Variants in DNAH11 observed in about 807,000 individuals in gnomAD.
DNAH11 encodes axonemal beta dynein heavy chain 11.
A neutral mutation model predicts 526.0 loss-of-function variants in DNAH11; 442 were observed. The observed-to-expected ratio is 0.84, with a 90% CI of 0.78 to 0.91. DNAH11 has a LOEUF of 0.91. Ranked by LOEUF, DNAH11 falls within the 40% of genes least tolerant of loss-of-function variation. The pLI is 0.00. For missense variants in DNAH11, 6,989 were observed against 5,448.7 expected (o/e 1.28, Z -8.90); for synonymous variants, 2,461 against 1,935.9 (o/e 1.27, Z -7.12).
intron 60 of DNAH11, among the ~76,000 whole-genome samples, chr7:21,788,146 A>T (rs1246835269): frequency 6.6e-6 from 1 of 152,226 alleles, no homozygotes; most frequent in East Asian, 1.9e-4. Flanking sequence ...GACCAACTGT[A>T]TCCCAAGCAC....
chr7:21,874,050 C>T (rs1392318376), intron 74 of DNAH11, among the ~76,000 whole-genome samples: 1 of 151,980 alleles, frequency 6.6e-6, no homozygotes, highest in Non-Finnish European at 1.5e-5. Context: ...CTCGGCCTCC[C>T]AAAGTGCTGG....
At chr7:21,576,661 C>G (rs189990557) in intron 8 of DNAH11, among the ~76,000 whole-genome samples, 11 of 152,304 alleles carry the variant, frequency 7.2e-5, no homozygotes, top group African/African-American at 2.4e-4. Flanking sequence ...AGCCTAATAT[C>G]AGTGTCAATG....
chr7:21,749,437 C>T (rs915805749), intron 52 of DNAH11, among the ~76,000 whole-genome samples: 2 of 152,158 alleles, frequency 1.3e-5, no homozygotes, highest in Non-Finnish European at 2.9e-5. Context: ...AGCCTGTTTT[C>T]ATCCCTCTGC....
rs774841908 is a variant in DNAH11, at chr7:21,748,657, G to C, written c.8588G>C (p.Ser2863Thr). ...LVGVGGSGKQSLSRLAAYLRG... is the reference protein window; with the variant it reads ...LVGVGGSGKQTLSRLAAYLRG... ...GGAGTTGGGGGCAGTGGCAAGCAGA[G>C]CTTGTCCAGGCTGGCAGCTTACCTT... The change falls in exon 52 of 82, where the codon AGC (serine) becomes ACC (threonine). Residue 2863 changes from serine (S) to threonine (T), a missense_variant. Physicochemically the swap from Ser to Thr is moderately conservative, Grantham distance 58. Transcript: ENST00000409508. 13 of 1,613,670 alleles carry C rather than the reference G, an allele frequency of 8.1e-6. No individual in the cohort carries two copies. The highest frequency in any genetic ancestry group is 3.3e-5 in the South Asian group (3 of 91,012).
intron 69 of DNAH11, among the ~76,000 whole-genome samples, chr7:21,863,558 C>T (rs1234295943): frequency 6.6e-6 from 1 of 152,254 alleles, no homozygotes; most frequent in East Asian, 1.9e-4. Context: ...GATCTCTTGA[C>T]CTCATGATCT....
intron 68 of DNAH11, among the ~76,000 whole-genome samples, chr7:21,855,493 T>A (rs1782808980): frequency 6.6e-6 from 1 of 152,352 alleles, no homozygotes; most frequent in Middle Eastern, 3.4e-3. Flanking sequence ...ATACTTTGGC[T>A]CATTCTTTAT....
At chr7:21,785,394 T>C (rs961526) in intron 58 of DNAH11, among the ~76,000 whole-genome samples, 140,102 of 152,286 alleles carry the variant, frequency 0.92, 64,523 homozygotes, top group African/African-American at 0.94. Flanking sequence ...CTGATTATTA[T>C]GCATTCAAAT....
chr7:21,674,305 C>T (rs551121855), intron 30 of DNAH11, among the ~76,000 whole-genome samples: 3 of 152,168 alleles, frequency 2.0e-5, no homozygotes, highest in African/African-American at 4.8e-5. Flanking sequence ...ATCCACCCAC[C>T]CTGGCCTCCC....
In DNAH11 at chr7:21,587,998, A is replaced by G. The variant is rs905980511; in HGVS notation, c.1711-66A>G. ...TCATGTAAGAGGTTTGAAGGGGAAC[A>G]TTATGAGCTGAGTATTTGTTAAAAA... On this transcript the variant is annotated intron_variant, in intron 9 of 81. Coordinates refer to ENST00000409508, the MANE Select transcript of DNAH11 (RefSeq NM_001277115.2). The G allele has an allele frequency of 2.6e-6, 4 of 1,514,350 alleles. No individual in the cohort carries two copies. The African/African-American group carries it at 4.1e-5, about 16-fold the overall frequency. 93.8% of individuals were successfully genotyped at this position (1,514,350 alleles called of 1,614,324 possible).
chr7:21,722,157 G>A (rs1057298885), intron 44 of DNAH11, among the ~76,000 whole-genome samples: 1 of 152,172 alleles, frequency 6.6e-6, no homozygotes, highest in Non-Finnish European at 1.5e-5. Flanking sequence ...TTTTTCTCAT[G>A]TGATCTTTAC....
At position 21,586,091 on chromosome 7, in the gene DNAH11, C is replaced by A. The variant is rs191254992; in HGVS notation, c.1711-1973C>A. On this transcript the variant is annotated intron_variant, in intron 9 of 81. Transcript: ENST00000409508. ...TACTGCCTAAAACATTGAGACTTTT[C>A]CTACTACTTTTTGGCTTTACAACCT... 3.3e-3 allele frequency among the ~76,000 whole-genome samples: 501 copies of A among 152,272 alleles called. 2 individuals are homozygous for A. The highest frequency in any genetic ancestry group is 0.012 in the African/African-American group (483 of 41,552).
intron 30 of DNAH11, among the ~76,000 whole-genome samples, chr7:21,670,808 G>A (rs969690942): frequency 4.6e-5 from 7 of 151,818 alleles, no homozygotes; most frequent in East Asian, 3.9e-4. Flanking sequence ...CGAAAGTTAC[G>A]CCAACTTTGC....
chr7:21,729,159 C>T (rs907822752), intron 45 of DNAH11, among the ~76,000 whole-genome samples: 7 of 152,212 alleles, frequency 4.6e-5, no homozygotes, highest in African/African-American at 1.7e-4. Context: ...GTTACTTTCC[C>T]TTTTCTTGGA....
At chr7:21,813,058 G>C (rs953430619) in intron 63 of DNAH11, among the ~76,000 whole-genome samples, 1 of 152,202 alleles carries the variant, frequency 6.6e-6, no homozygotes, top group African/African-American at 2.4e-5. Flanking sequence ...TGAGGGATGG[G>C]ACAGGGAGCA....
intron 35 of DNAH11, among the ~76,000 whole-genome samples, chr7:21,695,503 G>A (rs552865112): frequency 2.8e-4 from 43 of 152,148 alleles, no homozygotes; most frequent in Middle Eastern, 3.4e-3. Context: ...AAAGGATTCC[G>A]TATTTAATAA....
In DNAH11 at chr7:21,901,002, C is replaced by T. The variant is rs1485395412; in HGVS notation, c.13304-5C>T. ...ACAATTGCAACCGCTGTGTTTTTGC[C>T]ATAGGCGCCCGCTGGGACACCCAAG... On this transcript the variant is annotated splice_polypyrimidine_tract_variant and splice_region_variant and intron_variant, in intron 81 of 81. Coordinates refer to ENST00000409508, the MANE Select transcript of DNAH11 (RefSeq NM_001277115.2). The T allele has an allele frequency of 1.3e-6, 2 of 1,578,326 alleles. No homozygotes were observed. Among genetic ancestry groups the T allele is most frequent in the East Asian group, 2.3e-5 (1 of 44,406 alleles).
At chr7:21,772,664 T>A (rs1787489369) in intron 55 of DNAH11, among the ~76,000 whole-genome samples, 1 of 152,236 alleles carries the variant, frequency 6.6e-6, no homozygotes, top group African/African-American at 2.4e-5. Flanking sequence ...ACGTTATTTT[T>A]AACTTTTGTT....
intron 5 of DNAH11, among the ~76,000 whole-genome samples, chr7:21,563,136 A>C (rs981844245): frequency 3.7e-4 from 56 of 152,360 alleles, no homozygotes; most frequent in African/African-American, 1.1e-3. Context: ...GGATTCAATT[A>C]AGCAGTCATT....
chr7:21,708,011 A>C (rs1291927343), intron 40 of DNAH11, among the ~76,000 whole-genome samples, 176 bp downstream of exon 40: 3 of 152,214 alleles, frequency 2.0e-5, no homozygotes. Context: ...GATTTGAATA[A>C]ATACTTGATT....
Sources: allele counts gnomAD v4.1 joint callset (sites outside exome capture counted in the v4.1 genomes callset), GRCh38; gene constraint gnomAD v4.1.1; transcripts MANE v1.5; gene names NCBI Gene and HGNC (gene_info 2026-07-23, HGNC 2026-07-21).